The following POLR1A variants were observed in gnomAD, a reference collection of about 807,000 sequenced individuals.
POLR1A encodes the protein RNA polymerase I subunit A.
In POLR1A, 84 loss-of-function variants were observed where a neutral mutation model predicts 205.3. The ratio of observed to expected loss-of-function variants is 0.41; its 90% CI spans 0.34 to 0.49. The LOEUF is 0.49. Ranked by LOEUF, POLR1A falls within the 20% of genes least tolerant of loss-of-function variation. POLR1A has a pLI of 0.22. For synonymous variants in POLR1A, 799 were observed against 863.7 expected (o/e 0.93, Z 1.31); for missense variants, 1,645 against 2,204.5 (o/e 0.75, Z 5.08).
intron 1 of POLR1A, among the ~76,000 whole-genome samples, chr2:86,102,130 T>TGGATA: frequency 6.6e-6 from 1 of 152,332 alleles, no homozygotes. Context: ...GACCCTACTT[T>TGGATA]CAATTCCTTG....
intron 16 of POLR1A, 27 bp downstream of exon 16, chr2:86,052,790 C>T (rs1017426976): frequency 1.6e-5 from 23 of 1,480,790 alleles, no homozygotes; most frequent in African/African-American, 2.9e-5. Context: ...CGGGTCACTG[C>T]CCCAGGGCAG....
chr2:86,050,800 G>A (rs1304235697), intron 16 of POLR1A, among the ~76,000 whole-genome samples: 1 of 152,180 alleles, frequency 6.6e-6, no homozygotes, highest in East Asian at 1.9e-4. Context: ...TACATTTCAT[G>A]AGGTGTAGTC....
chr2:86,025,446 G>T lies in POLR1A; in HGVS notation c.*1977C>A, dbSNP rs1168610323. On this transcript the variant is annotated 3_prime_UTR_variant, in exon 34 of 34. Coordinates refer to ENST00000263857, the MANE Select transcript of POLR1A (RefSeq NM_015425.6). ...ACCACAGTGAGTCCCTGCTCATCAG[G>T]ATGTGCAAGCTCCCAAATGTCTGTT... The T allele has an allele frequency of 6.6e-6, 1 of 152,246 alleles. No individual in the cohort carries two copies. Among genetic ancestry groups the T allele is most frequent in the Non-Finnish European group, 1.5e-5 (1 of 68,056 alleles). The allele number at this position is 152,246 out of a possible 1,614,324, so 9.4% of individuals were successfully genotyped here. A position where few individuals can be genotyped will look rare whatever the true frequency, so the allele number is the denominator to read the frequency against.
chr2:86,089,931 T>C lies in POLR1A; in HGVS notation c.433-2A>G. 6.6e-7 allele frequency: 1 copy of C among 1,511,398 alleles called. No homozygotes were observed. Among genetic ancestry groups the C allele is most frequent in the Non-Finnish European group, 9.2e-7 (1 of 1,085,442 alleles). The allele number at this position is 1,511,398 out of a possible 1,614,324, so 93.6% of individuals were successfully genotyped here. A position where few individuals can be genotyped will look rare whatever the true frequency, so the allele number is the denominator to read the frequency against. ...GGGATCGGGATTTTCTTCCAGAAAC[T>C]GGAAAACAAAGAGGAAAACTCCATT... On this transcript the variant is annotated splice_acceptor_variant, in intron 3 of 33. Coordinates refer to ENST00000263857, the MANE Select transcript of POLR1A (RefSeq NM_015425.6). LOFTEE classifies it high-confidence loss of function.
intron 6 of POLR1A, among the ~76,000 whole-genome samples, chr2:86,088,361 C>T (rs1188573537): frequency 1.3e-5 from 2 of 152,242 alleles, no homozygotes; most frequent in Admixed American, 1.3e-4. Context: ...AAAACAGCCC[C>T]TCCCATCAGC....
At chr2:86,056,551 T>C (rs1246253078) in intron 14 of POLR1A, among the ~76,000 whole-genome samples, 1 of 151,734 alleles carries the variant, frequency 6.6e-6, no homozygotes, top group African/African-American at 2.4e-5. Context: ...GCAATGTAGA[T>C]AAAAGAGCCT....
At chr2:86,053,032 G>A (rs748416977) in intron 15 of POLR1A, 32 bp from the exon 16 acceptor site, 3 of 1,507,854 alleles carry the variant, frequency 2.0e-6, no homozygotes, top group South Asian at 2.6e-5. Flanking sequence ...ATGCCGGGCT[G>A]CGGGTGATGC....
At chr2:86,086,338 G>A (rs531223716) in intron 6 of POLR1A, among the ~76,000 whole-genome samples, 1 of 151,980 alleles carries the variant, frequency 6.6e-6, no homozygotes, top group African/African-American at 2.4e-5. Flanking sequence ...CGCCTGACTC[G>A]GCCTCCCGAA....
In POLR1A at chr2:86,083,149, T is replaced by C. The variant is rs747493929; in HGVS notation, c.750A>G (p.Ile250Met). Residue 250 changes from isoleucine to methionine, a missense_variant, in exon 7 of 34, where the codon ATA (isoleucine) becomes ATG (methionine). Physicochemically the swap from Ile to Met is conservative, Grantham distance 10. Around this residue, in one of 16 missense-constraint regions of POLR1A, gnomAD observed 330 missense variants for 375.6 expected, o/e 0.88. Coordinates refer to ENST00000263857, the MANE Select transcript of POLR1A (RefSeq NM_015425.6). ...TGGGTGTTAAGTATCCTCGTTTTCC[T>C]ATCTGAGCTTCCTCAATTCCTGGAG... ...SEPLGIEEAQ[I>M]GKRGYLTPTS... The C allele has an allele frequency of 6.2e-6, 10 of 1,613,730 alleles. No homozygotes were observed. In the East Asian group the frequency reaches 2.2e-4, roughly 36 times the overall value.
At chr2:86,068,230 C>T (rs1215741928) in intron 13 of POLR1A, among the ~76,000 whole-genome samples, 2 of 152,196 alleles carry the variant, frequency 1.3e-5, no homozygotes, top group Non-Finnish European at 2.9e-5. Context: ...CCATCTGCTG[C>T]TCCCCGGTAG....
intron 1 of POLR1A, among the ~76,000 whole-genome samples, chr2:86,101,835 T>C (rs1673827539): frequency 6.6e-6 from 1 of 152,196 alleles, no homozygotes; most frequent in Non-Finnish European, 1.5e-5. Flanking sequence ...TACTTTCTGT[T>C]TTGATTAATC....
At chr2:86,068,394 G>GT (rs1553436070) in intron 13 of POLR1A, among the ~76,000 whole-genome samples, 3 of 116,250 alleles carry the variant, frequency 2.6e-5, no homozygotes, top group Non-Finnish European at 5.5e-5. Flanking sequence ...GGCGGGGGGG[G>GT]GGGGCGGGTG....
chr2:86,033,848 A>G, intron 27 of POLR1A, 61 bp from the exon 28 acceptor site: 1 of 1,587,986 alleles, frequency 6.3e-7, no homozygotes, highest in Non-Finnish European at 8.6e-7. Flanking sequence ...CCCTACCCTC[A>G]TTTGGGGGAT....
At chr2:86,076,786 T>C (rs1427334361) in intron 11 of POLR1A, among the ~76,000 whole-genome samples, 2 of 152,202 alleles carry the variant, frequency 1.3e-5, no homozygotes, top group Non-Finnish European at 2.9e-5. Flanking sequence ...GTAGGCACTA[T>C]GAAGTCAAGG....
At position 86,042,996 on chromosome 2, in the gene POLR1A, C is replaced by T; in HGVS notation, c.3335G>A (p.Gly1112Asp). The change falls in exon 23 of 34, where the codon GGC (glycine) becomes GAC (aspartate). Residue 1112 changes from glycine (G) to aspartate (D), a missense_variant. Gly to Asp is a moderately conservative substitution (Grantham distance 94). Coordinates refer to ENST00000263857, the MANE Select transcript of POLR1A (RefSeq NM_015425.6). ...ALKLESENRNGRSPGTQEMLR... is the reference protein window; with the variant it reads ...ALKLESENRNDRSPGTQEMLR... ...CACCTCCTGAGTCCCAGGGCTGCGGCCATTGCGGTTTTCACTCTCAAGTTT... is the reference window on the plus strand; with the variant it reads ...CACCTCCTGAGTCCCAGGGCTGCGGTCATTGCGGTTTTCACTCTCAAGTTT... 6.2e-7 allele frequency: 1 copy of T among 1,613,970 alleles called. No individual in the cohort carries two copies. Among genetic ancestry groups the T allele is most frequent in the Non-Finnish European group, 8.5e-7 (1 of 1,179,880 alleles).
intron 17 of POLR1A, 22 bp downstream of exon 17, chr2:86,049,138 C>T (rs779237196): frequency 1.1e-5 from 18 of 1,609,680 alleles, no homozygotes; most frequent in South Asian, 6.6e-5. Context: ...GGGCAGGCCA[C>T]GGCCTCGAAG....
rs1263926815 is a variant in POLR1A at position 86,095,759 on chromosome 2, GCT to G, written c.432+2850_432+2851del. ...TTTTTTTTTTTTGAGATGGAGTCTT[GCT>G]CTGTTACCCAGGCTGGAGTGCAGTG... On this transcript the variant is annotated intron_variant, in intron 3 of 33. Coordinates refer to ENST00000263857, the MANE Select transcript of POLR1A (RefSeq NM_015425.6). Among the ~76,000 whole-genome samples the G allele has an allele frequency of 2.7e-5, 4 of 147,216 alleles. No homozygotes were observed. In the Admixed American group the frequency reaches 2.7e-4, roughly 10 times the overall value.
At position 86,033,643 on chromosome 2, in the gene POLR1A, C is replaced by A; in HGVS notation, c.4161+18G>T. 1 of 1,611,354 alleles carries A rather than the reference C, an allele frequency of 6.2e-7. No homozygotes were observed. Among genetic ancestry groups the A allele is most frequent in the Non-Finnish European group, 8.5e-7 (1 of 1,178,954 alleles). On this transcript the variant is annotated intron_variant, in intron 28 of 33. Coordinates refer to ENST00000263857, the MANE Select transcript of POLR1A (RefSeq NM_015425.6). ...GCTGTCCCTGTGCAACTCTAGTGACCCCCGGGGACTCACTCACCCGACTCC... is the reference window on the plus strand; with the variant it reads ...GCTGTCCCTGTGCAACTCTAGTGACACCCGGGGACTCACTCACCCGACTCC...
rs1170534076 is a variant in POLR1A at position 86,088,687 on chromosome 2, T to C, written c.627-18A>G. 2 of 1,609,410 alleles carry C rather than the reference T, an allele frequency of 1.2e-6. No individual in the cohort carries two copies. Among genetic ancestry groups the C allele is most frequent in the Admixed American group, 3.3e-5 (2 of 59,994 alleles). ...GCCCGGTCCTGTGCAGGAGGACAGT[T>C]GTGATTGAAGAGAGAAAAAACCCAG... On this transcript the variant is annotated intron_variant, in intron 5 of 33. Coordinates refer to ENST00000263857, the MANE Select transcript of POLR1A (RefSeq NM_015425.6).
Sources: allele counts gnomAD v4.1 joint callset (sites outside exome capture counted in the v4.1 genomes callset), GRCh38; gene constraint gnomAD v4.1.1; regional missense constraint gnomAD v4.1.1; transcripts MANE v1.5; gene names NCBI Gene and HGNC (gene_info 2026-07-23, HGNC 2026-07-21).